Variants in FHIT observed in about 807,000 individuals in gnomAD.
FHIT encodes the protein fragile histidine triad diadenosine triphosphatase.
Under a neutral mutation model 17.9 loss-of-function variants are expected in FHIT, and 19 were observed. That is an observed-to-expected ratio of 1.06 (90% CI 0.74 to 1.56). FHIT has a LOEUF of 1.56. Ranked by LOEUF, FHIT falls within the 40% of genes most tolerant of loss-of-function variation. FHIT has a pLI of 0.00. For missense variants in FHIT, 248 were observed against 189.2 expected, an observed-to-expected ratio of 1.31 and a Z score of -1.82; for synonymous variants, 81 against 69.7, an observed-to-expected ratio of 1.16 and a Z score of -0.81.
chr3:60,063,640 G>A (rs565814108), intron 5 of FHIT, among the ~76,000 whole-genome samples: 1 of 152,328 alleles, frequency 6.6e-6, no homozygotes, highest in South Asian at 2.1e-4. Context: ...GTTGTTGAGA[G>A]AGAACATTTC....
At chr3:60,372,185 G>A (rs748786286) in intron 5 of FHIT, among the ~76,000 whole-genome samples, 11 of 152,216 alleles carry the variant, frequency 7.2e-5, no homozygotes, top group Non-Finnish European at 1.2e-4. Context: ...TTGTTTCCTA[G>A]CCTAAAAAGT....
At chr3:60,133,251 C>G (rs970622684) in intron 5 of FHIT, among the ~76,000 whole-genome samples, 3 of 152,150 alleles carry the variant, frequency 2.0e-5, no homozygotes, top group Non-Finnish European at 4.4e-5. Context: ...CAGAGAAACT[C>G]CAAAGTTCTC....
rs1223634005 is a variant in FHIT at position 60,878,759 on chromosome 3, A to G, written c.-110-56748T>C. ...GCGGTGTTTGGTTTTTTGTCCTTGC[A>G]ATAATTTGCTGAGAATGATGGTTTC... On this transcript the variant is annotated intron_variant, in intron 3 of 9. Coordinates refer to ENST00000492590, the MANE Select transcript of FHIT (RefSeq NM_002012.4). 5.9e-5 allele frequency among the ~76,000 whole-genome samples: 9 copies of G among 152,018 alleles called. No homozygotes were observed. In the East Asian group the frequency reaches 9.7e-4, roughly 16 times the overall value.
chr3:59,854,902 A>T (rs1702089461), intron 8 of FHIT, among the ~76,000 whole-genome samples: 1 of 152,190 alleles, frequency 6.6e-6, no homozygotes, highest in Non-Finnish European at 1.5e-5. Context: ...ACATCCCTGG[A>T]AGGAGAAAAT....
At chr3:60,404,333 A>C (rs1701769285) in intron 5 of FHIT, among the ~76,000 whole-genome samples, 1 of 151,998 alleles carries the variant, frequency 6.6e-6, no homozygotes, top group African/African-American at 2.4e-5. Context: ...CTAGAAAAAC[A>C]AACAAAAATG....
chr3:60,294,882 G>A (rs60569486), intron 5 of FHIT, among the ~76,000 whole-genome samples: 26,663 of 152,166 alleles, frequency 0.18, 2,602 homozygotes, highest in East Asian at 0.24. Context: ...ATGCAGAATA[G>A]CCTCCGTGGT....
At chr3:60,164,756 C>T (rs913744935) in intron 5 of FHIT, among the ~76,000 whole-genome samples, 3 of 152,106 alleles carry the variant, frequency 2.0e-5, no homozygotes, top group African/African-American at 7.2e-5. Flanking sequence ...TCTCCACCCT[C>T]ACTCCTAGTT....
At chr3:61,174,009 T>C (rs2038086302) in intron 2 of FHIT, among the ~76,000 whole-genome samples, 1 of 152,170 alleles carries the variant, frequency 6.6e-6, no homozygotes, top group African/African-American at 2.4e-5. Context: ...TGACCTGCAG[T>C]AATTGGGAAC....
chr3:59,953,220 G>A (rs923062115), intron 7 of FHIT, among the ~76,000 whole-genome samples: 1 of 151,530 alleles, frequency 6.6e-6, no homozygotes, highest in African/African-American at 2.4e-5. Context: ...CTGTCTCTAC[G>A]TGTGTACCTC....
intron 5 of FHIT, among the ~76,000 whole-genome samples, chr3:60,241,419 T>A (rs1001464925): frequency 3.3e-5 from 5 of 152,160 alleles, no homozygotes; most frequent in Non-Finnish European, 7.3e-5. Flanking sequence ...TACTGTCCCC[T>A]AATTTTCCAT....
rs1281684379 is a variant in FHIT at position 60,630,953 on chromosome 3, A to C, written c.-17-93974T>G. ...GGTCATTAAAAAAAAAAAAAAAAAA[A>C]AAACACACAGAAATAACTGAGTAAA... On this transcript the variant is annotated intron_variant, in intron 4 of 9. Transcript: ENST00000492590. Among the ~76,000 whole-genome samples the C allele has an allele frequency of 1.3e-4, 14 of 111,398 alleles. No homozygotes were observed. In the East Asian group the frequency reaches 3.5e-3, roughly 28 times the overall value. 73.1% of individuals were successfully genotyped at this position (111,398 alleles called of 152,430 possible).
intron 3 of FHIT, among the ~76,000 whole-genome samples, chr3:61,019,378 A>AC (rs2032283390): frequency 6.6e-6 from 1 of 152,218 alleles, no homozygotes; most frequent in Non-Finnish European, 1.5e-5. Flanking sequence ...GTTGCAAGGT[A>AC]CTATTCTATG....
intron 2 of FHIT, among the ~76,000 whole-genome samples, chr3:61,074,238 C>T (rs995405813): frequency 3.9e-5 from 6 of 152,108 alleles, no homozygotes; most frequent in African/African-American, 1.4e-4. Flanking sequence ...TAAACTCACT[C>T]GGAAGAGAAT....
At chr3:60,792,901 G>C (rs60085496) in intron 4 of FHIT, among the ~76,000 whole-genome samples, 1 of 150,700 alleles carries the variant, frequency 6.6e-6, no homozygotes, top group African/African-American at 2.4e-5. Context: ...AAGTTGTTAA[G>C]AACTTGTGTA....
At chr3:61,159,708 G>A (rs183498382) in intron 2 of FHIT, among the ~76,000 whole-genome samples, 1 of 152,360 alleles carries the variant, frequency 6.6e-6, no homozygotes, top group Admixed American at 6.5e-5. Context: ...TGTGATTAGA[G>A]TAATATTTCA....
intron 5 of FHIT, among the ~76,000 whole-genome samples, chr3:60,290,316 T>C (rs1220918878): frequency 6.6e-6 from 1 of 152,164 alleles, no homozygotes; most frequent in Non-Finnish European, 1.5e-5. Flanking sequence ...TTCTCTCACT[T>C]TGAATGTGGG....
intron 8 of FHIT, among the ~76,000 whole-genome samples, chr3:59,795,223 TA>T (rs1262544279): frequency 6.6e-6 from 1 of 151,898 alleles, no homozygotes; most frequent in Non-Finnish European, 1.5e-5. Flanking sequence ...CCGTCTCTAT[TA>T]AAAATATAAA....
chr3:60,933,005 A>G lies in FHIT; in HGVS notation c.-111+109042T>C, dbSNP rs1284607433. Among the ~76,000 whole-genome samples, 3 of 152,228 alleles carry G rather than the reference A, an allele frequency of 2.0e-5. 1 individual carries two copies. The highest frequency in any genetic ancestry group is 6.3e-3 in the Middle Eastern group (2 of 316). The stretch of plus-strand genomic sequence containing the variant: ...GATACAGTTATAAGTATGCTCGTGG[A>G]GAATTTGTAATTTTTTAAAAAATGG... On this transcript the variant is annotated intron_variant, in intron 3 of 9. Transcript: ENST00000492590.
At chr3:60,156,622 A>G (rs1700708803) in intron 5 of FHIT, among the ~76,000 whole-genome samples, 1 of 151,018 alleles carries the variant, frequency 6.6e-6, no homozygotes, top group African/African-American at 2.4e-5. Context: ...CATAATGGTG[A>G]GCACCTGTAG....
Sources: gnomAD v4.1 joint callset for allele counts (sites outside exome capture counted in the v4.1 genomes callset) on GRCh38, gnomAD v4.1.1 for gene constraint, MANE v1.5 for transcripts, NCBI Gene and HGNC (gene_info 2026-07-23, HGNC 2026-07-21) for gene names.